CDH18: variants seen among roughly 807,000 people sequenced by gnomAD.
The protein encoded by CDH18 is cadherin 18.
A neutral mutation model predicts 67.9 loss-of-function variants in CDH18; 31 were observed. The observed-to-expected ratio is 0.46, with a 90% CI of 0.34 to 0.62. CDH18 has a LOEUF of 0.62. Ranked by LOEUF, CDH18 falls within the 20% of genes least tolerant of loss-of-function variation. The pLI, the probability that CDH18 is intolerant of heterozygous loss-of-function variation, is 0.01. For missense variants in CDH18, 890 were observed against 975.5 expected (o/e 0.91, Z 1.17); for synonymous variants, 362 against 347.2 (o/e 1.04, Z -0.48).
intron 10 of CDH18, among the ~76,000 whole-genome samples, chr5:19,508,770 T>C (rs1374328120): frequency 6.6e-6 from 1 of 152,092 alleles, no homozygotes. Context: ...ATCACAAATA[T>C]ATAAAATTTG....
chr5:20,501,484 A>T (rs1018203), intron 1 of CDH18, among the ~76,000 whole-genome samples: 2 of 125,850 alleles, frequency 1.6e-5, no homozygotes, highest in East Asian at 2.2e-4. Flanking sequence ...TATACATATT[A>T]TATATATTTT....
At chr5:20,250,644 C>T (rs1345291959) in intron 2 of CDH18, among the ~76,000 whole-genome samples, 1 of 126,978 alleles carries the variant, frequency 7.9e-6, no homozygotes, top group East Asian at 2.3e-4. Flanking sequence ...GTTCTGTCGC[C>T]CAGGCTGGAG....
intron 1 of CDH18, among the ~76,000 whole-genome samples, chr5:20,385,095 C>T (rs1401630429): frequency 6.6e-6 from 1 of 152,052 alleles, no homozygotes; most frequent in East Asian, 1.9e-4. Flanking sequence ...CTTTGGCCAC[C>T]CAAAGTGCTG....
At chr5:19,894,043 A>G (rs1229385928) in intron 2 of CDH18, among the ~76,000 whole-genome samples, 3 of 152,106 alleles carry the variant, frequency 2.0e-5, no homozygotes, top group African/African-American at 7.2e-5. Context: ...CTTAAAATAG[A>G]CTGTACTGAT....
At chr5:20,355,333 T>C (rs920888074) in intron 1 of CDH18, among the ~76,000 whole-genome samples, 4 of 152,220 alleles carry the variant, frequency 2.6e-5, no homozygotes, top group Non-Finnish European at 4.4e-5. Flanking sequence ...TTTTGTTTTG[T>C]CTCTGAACTT....
chr5:20,431,465 G>A (rs1299236630), intron 1 of CDH18, among the ~76,000 whole-genome samples: 1 of 145,518 alleles, frequency 6.9e-6, no homozygotes, highest in Non-Finnish European at 1.5e-5. Flanking sequence ...CTGCACTCCA[G>A]CCTGGGTGAC....
intron 1 of CDH18, among the ~76,000 whole-genome samples, chr5:20,307,723 C>T (rs572095138): frequency 3.3e-5 from 5 of 152,204 alleles, no homozygotes; most frequent in African/African-American, 1.2e-4. Context: ...TATCCCAAGT[C>T]ATAGCCAAGA....
intron 2 of CDH18, among the ~76,000 whole-genome samples, chr5:20,034,103 G>T (rs1739631075): frequency 6.6e-6 from 1 of 151,966 alleles, no homozygotes; most frequent in Non-Finnish European, 1.5e-5. Flanking sequence ...ATATGTGGAT[G>T]GAAATATGGT....
At chr5:20,199,221 A>G (rs900999362) in intron 2 of CDH18, among the ~76,000 whole-genome samples, 1 of 152,158 alleles carries the variant, frequency 6.6e-6, no homozygotes, top group African/African-American at 2.4e-5. Flanking sequence ...TAGACACTCA[A>G]TGCCAGCCAT....
chr5:20,326,578 G>T (rs183093127), intron 1 of CDH18, among the ~76,000 whole-genome samples: 3 of 140,176 alleles, frequency 2.1e-5, no homozygotes, highest in Admixed American at 1.5e-4. Flanking sequence ...TCGCTCTGTC[G>T]CCCAGGCTGG....
chr5:20,166,636 G>A (rs115907805), intron 2 of CDH18, among the ~76,000 whole-genome samples: 2,596 of 152,202 alleles, frequency 0.017, 68 homozygotes, highest in African/African-American at 0.058. Flanking sequence ...GATTAGGTCT[G>A]GGATAGTGGC....
intron 2 of CDH18, among the ~76,000 whole-genome samples, chr5:19,852,855 T>C (rs1431478162): frequency 6.6e-6 from 1 of 152,028 alleles, no homozygotes; most frequent in South Asian, 2.1e-4. Context: ...TCCTATATAA[T>C]CCAGAGCAAC....
chr5:19,573,713 G>A (rs1051201854), intron 7 of CDH18, among the ~76,000 whole-genome samples: 3 of 152,022 alleles, frequency 2.0e-5, no homozygotes, highest in East Asian at 1.9e-4. Context: ...TAAATAACTC[G>A]TCCTAGAAAT....
intron 1 of CDH18, among the ~76,000 whole-genome samples, chr5:20,403,769 T>C (rs1049684813): frequency 6.6e-6 from 1 of 152,186 alleles, no homozygotes; most frequent in African/African-American, 2.4e-5. Flanking sequence ...CAAGTGACCA[T>C]TGGCTTCATC....
intron 8 of CDH18, among the ~76,000 whole-genome samples, chr5:19,550,718 A>T (rs1286925532): frequency 1.0e-5 from 1 of 99,128 alleles, no homozygotes; most frequent in African/African-American, 2.9e-5. Flanking sequence ...GTGCCACAAT[A>T]AACATATGTG....
chr5:20,480,754 T>C (rs748383030), intron 1 of CDH18, among the ~76,000 whole-genome samples: 3 of 152,142 alleles, frequency 2.0e-5, no homozygotes, highest in Non-Finnish European at 4.4e-5. Context: ...ATTTGTTTTT[T>C]CAATCAGCAT....
intron 5 of CDH18, among the ~76,000 whole-genome samples, chr5:19,620,416 T>A (rs2150138645): frequency 6.6e-6 from 1 of 152,264 alleles, no homozygotes; most frequent in Middle Eastern, 3.4e-3. Context: ...TACCCGGGAT[T>A]TCCTGACACA....
intron 2 of CDH18, among the ~76,000 whole-genome samples, chr5:19,995,833 C>T (rs1012634582): frequency 2.6e-5 from 4 of 151,970 alleles, no homozygotes; most frequent in African/African-American, 4.8e-5. Flanking sequence ...GAAACTACAC[C>T]TTCCATAGAA....
chr5:20,507,670 AG>A (rs1191888126), intron 1 of CDH18, among the ~76,000 whole-genome samples: 20 of 152,224 alleles, frequency 1.3e-4, no homozygotes, highest in Admixed American at 1.3e-3. Context: ...AGAAAATTCT[AG>A]GTTCTATGTT....
Sources: allele counts gnomAD v4.1 joint callset (sites outside exome capture counted in the v4.1 genomes callset), GRCh38; gene constraint gnomAD v4.1.1; transcripts MANE v1.5; gene names NCBI Gene and HGNC (gene_info 2026-07-23, HGNC 2026-07-21).